PIK3R3: variants seen among roughly 807,000 people sequenced by gnomAD.
The protein encoded by PIK3R3 is phosphoinositide-3-kinase regulatory subunit 3.
A neutral mutation model predicts 62.9 loss-of-function variants in PIK3R3; 64 were observed. The ratio of observed to expected loss-of-function variants is 1.02; its 90% CI spans 0.83 to 1.25. The LOEUF (loss-of-function observed/expected upper bound fraction) is 1.25, where lower values mean the gene tolerates loss of function less well. Ranked by LOEUF, PIK3R3 falls within the 50% of genes most tolerant of loss-of-function variation. The pLI, the probability that PIK3R3 is intolerant of heterozygous loss-of-function variation, is 0.00. For missense variants in PIK3R3, 614 were observed against 561.6 expected (o/e 1.09, Z -0.94); for synonymous variants, 165 against 189.0 (o/e 0.87, Z 1.04).
rs1001580712 is a variant in PIK3R3, at chr1:46,044,753, C to T, written c.1188-882G>A. On this transcript the variant is annotated intron_variant, in intron 9 of 9. Transcript: ENST00000262741. This position sits in a 1 kb window ranked among gnomAD's most constrained non-coding sequence, Gnocchi z 4.2. The stretch of plus-strand genomic sequence containing the variant: ...TCTTTCTCCACTAAAATTAATGCTT[C>T]CACATGTGCACAGCCTACTAATAAT... Among the ~76,000 whole-genome samples the T allele has an allele frequency of 6.6e-6, 1 of 152,206 alleles. No homozygotes were observed. The highest frequency in any genetic ancestry group is 6.5e-5 in the Admixed American group (1 of 15,278).
chr1:46,129,532 A>G (rs1259974841), intron 1 of PIK3R3, among the ~76,000 whole-genome samples: 1 of 152,068 alleles, frequency 6.6e-6, no homozygotes, highest in East Asian at 1.9e-4. Flanking sequence ...TACTCTTAAC[A>G]TTACCGTGGC....
At chr1:46,068,099 TCAAA>T (rs1649170736) in intron 3 of PIK3R3, among the ~76,000 whole-genome samples, 1 of 152,184 alleles carries the variant, frequency 6.6e-6, no homozygotes, top group Non-Finnish European at 1.5e-5. Context: ...TTGTAAAAGG[TCAAA>T]CACAGTAAGA....
intron 3 of PIK3R3, among the ~76,000 whole-genome samples, chr1:46,072,160 T>C (rs1428431045): frequency 6.6e-6 from 1 of 152,216 alleles, no homozygotes; most frequent in African/African-American, 2.4e-5. Context: ...AAAGCATATT[T>C]TGTGAAACTC....
At chr1:46,045,773 G>T in intron 9 of PIK3R3, 145 bp downstream of exon 9, 3 of 678,104 alleles carry the variant, frequency 4.4e-6, no homozygotes, top group Non-Finnish European at 7.5e-6. Context: ...ATAAAGCTGG[G>T]TTTTTTTGTA....
the PIK3R3 span, among the ~76,000 whole-genome samples, chr1:46,170,845 TATTA>T: frequency 1.3e-5 from 2 of 152,266 alleles, no homozygotes; most frequent in Admixed American, 1.3e-4. Flanking sequence ...GTAAGGGCTT[TATTA>T]ATTGATTTCT....
chr1:46,169,973 G>A, the PIK3R3 span, among the ~76,000 whole-genome samples: 2 of 152,030 alleles, frequency 1.3e-5, no homozygotes, highest in Non-Finnish European at 2.9e-5. Context: ...CCCCACCCAG[G>A]TGCTCTCCAC....
intron 1 of PIK3R3, among the ~76,000 whole-genome samples, chr1:46,115,871 T>C (rs1427935049): frequency 6.6e-6 from 1 of 152,292 alleles, no homozygotes; most frequent in Middle Eastern, 3.4e-3. Context: ...ATCAGAATAA[T>C]GACACGGGCA....
chr1:46,162,717 G>T, the PIK3R3 span, among the ~76,000 whole-genome samples: 1 of 152,034 alleles, frequency 6.6e-6, no homozygotes, highest in Admixed American at 6.6e-5. Context: ...CACCTCCGAG[G>T]TTCAAGTGAT....
chr1:46,152,228 G>A, the PIK3R3 span, among the ~76,000 whole-genome samples: 1 of 152,104 alleles, frequency 6.6e-6, no homozygotes, highest in Non-Finnish European at 1.5e-5. Context: ...CTAACACTGA[G>A]GCTTGAAAAT....
intron 1 of PIK3R3, among the ~76,000 whole-genome samples, chr1:46,095,782 G>C (rs1652067878): frequency 6.6e-6 from 1 of 152,138 alleles, no homozygotes; most frequent in Non-Finnish European, 1.5e-5. Context: ...CTCTTTCCAA[G>C]TTGGAGACAG....
the PIK3R3 span, among the ~76,000 whole-genome samples, chr1:46,140,412 T>C: frequency 6.6e-6 from 1 of 152,146 alleles, no homozygotes; most frequent in Non-Finnish European, 1.5e-5. Flanking sequence ...TTTAATGAGC[T>C]GAATAGTGAT....
At chr1:46,145,711 A>G in the PIK3R3 span, among the ~76,000 whole-genome samples, 33 of 152,204 alleles carry the variant, frequency 2.2e-4, no homozygotes, top group African/African-American at 6.8e-4. Flanking sequence ...TCAATTTTCA[A>G]CATGAGTTTT....
At chr1:46,062,598 T>C (rs916521487) in intron 5 of PIK3R3, among the ~76,000 whole-genome samples, 37 of 152,268 alleles carry the variant, frequency 2.4e-4, no homozygotes, top group African/African-American at 8.9e-4. Context: ...GGCATCTGAA[T>C]CACAATTCCC....
chr1:46,081,813 C>T (rs1032836644), intron 1 of PIK3R3, among the ~76,000 whole-genome samples: 2 of 152,116 alleles, frequency 1.3e-5, no homozygotes, highest in Admixed American at 1.3e-4. Flanking sequence ...GCCTGAACAT[C>T]ATCATGTGCC....
At chr1:46,053,250 T>C (rs1324308497) in intron 7 of PIK3R3, among the ~76,000 whole-genome samples, 1 of 152,188 alleles carries the variant, frequency 6.6e-6, no homozygotes, top group Admixed American at 6.5e-5. Flanking sequence ...TTGTTGTTGT[T>C]GTTGTGGTGT....
intron 1 of PIK3R3, among the ~76,000 whole-genome samples, chr1:46,091,685 G>A (rs1651652128): frequency 1.3e-5 from 2 of 152,090 alleles, no homozygotes; most frequent in Non-Finnish European, 2.9e-5. Flanking sequence ...GAGCAAATTT[G>A]AGGGTATTCA....
At chr1:46,096,619 C>CTT (rs1354047448) in intron 1 of PIK3R3, among the ~76,000 whole-genome samples, 2 of 152,090 alleles carry the variant, frequency 1.3e-5, no homozygotes, top group Non-Finnish European at 2.9e-5. Flanking sequence ...ATAAAACTGG[C>CTT]CAGGTGCAGT....
chr1:46,121,562 C>T (rs910947692), intron 1 of PIK3R3, among the ~76,000 whole-genome samples: 7 of 151,838 alleles, frequency 4.6e-5, no homozygotes, highest in African/African-American at 9.7e-5. Flanking sequence ...TGGGAGGCTG[C>T]GGTGGGAGGA....
At position 46,066,913 on chromosome 1, in the gene PIK3R3, G is replaced by A; in HGVS notation, c.493C>T (p.Gln165Ter). The change falls in exon 4 of 10, where the codon CAG (glutamine) becomes TAG (stop). Residue 165 changes from glutamine to a stop codon, truncating the protein, a stop_gained and splice_region_variant. Transcript: ENST00000262741. LOFTEE classifies it high-confidence loss of function. ...AGCAAGGATTTCCATAATCATACCT[G>A]TTGGTATCTGGACACTGGGTACATC... ...KLMYPVSRYQ[Q>*]DQLVKEDNID... The A allele has an allele frequency of 1.2e-6, 2 of 1,609,046 alleles. No homozygotes were observed. Among genetic ancestry groups the A allele is most frequent in the Non-Finnish European group, 1.7e-6 (2 of 1,175,676 alleles).
Sources: allele counts gnomAD v4.1 joint callset (sites outside exome capture counted in the v4.1 genomes callset), GRCh38; gene constraint gnomAD v4.1.1; non-coding constraint Gnocchi (gnomAD v3.1); transcripts MANE v1.5; gene names NCBI Gene and HGNC (gene_info 2026-07-23, HGNC 2026-07-21).